The following CNTNAP2 variants were observed in gnomAD, a reference collection of about 807,000 sequenced individuals.
CNTNAP2 encodes contactin associated protein 2.
A neutral mutation model predicts 155.2 loss-of-function variants in CNTNAP2; 98 were observed. That is an observed-to-expected ratio of 0.63 (90% confidence interval 0.54 to 0.75). The LOEUF (loss-of-function observed/expected upper bound fraction) is 0.75, where lower values mean the gene tolerates loss of function less well. CNTNAP2 is among the 30% of genes least tolerant of loss of function. The pLI is 0.00. For missense variants in CNTNAP2, 1,727 were observed against 1,688.1 expected, an observed-to-expected ratio of 1.02 and a Z score of -0.40; for synonymous variants, 651 against 631.2, an observed-to-expected ratio of 1.03 and a Z score of -0.47.
chr7:146,941,646 C>A (rs1375843039), intron 3 of CNTNAP2, among the ~76,000 whole-genome samples: 2 of 152,134 alleles, frequency 1.3e-5, no homozygotes, highest in African/African-American at 2.4e-5. Flanking sequence ...ACTCATAGAA[C>A]CCTCTTTATC....
chr7:147,486,050 C>G lies in CNTNAP2; in HGVS notation c.1777+9C>G, dbSNP rs773304645. 1.9e-6 allele frequency: 3 copies of G among 1,604,366 alleles called. No individual in the cohort carries two copies. Among genetic ancestry groups the G allele is most frequent in the Admixed American group, 3.3e-5 (2 of 60,004 alleles). On this transcript the variant is annotated intron_variant, in intron 11 of 23. Transcript: ENST00000361727. ...GGCCACCTGCCACAACTGTGAGTGC[C>G]AATTTATCTCACTTTAATCTTGTAA... is the stretch of plus-strand genomic sequence containing the variant.
chr7:146,903,970 C>T (rs10278770), intron 3 of CNTNAP2, among the ~76,000 whole-genome samples: 11 of 151,956 alleles, frequency 7.2e-5, no homozygotes, highest in East Asian at 3.9e-4. Flanking sequence ...CATTGTACAC[C>T]GTAAATATAC....
At chr7:147,416,617 T>A (rs1435512582) in intron 10 of CNTNAP2, among the ~76,000 whole-genome samples, 1 of 152,182 alleles carries the variant, frequency 6.6e-6, no homozygotes, top group Non-Finnish European at 1.5e-5. Flanking sequence ...GATTTATCTT[T>A]TATCTCCAGA....
At chr7:146,731,676 A>C (rs1393580160) in intron 1 of CNTNAP2, among the ~76,000 whole-genome samples, 1 of 152,118 alleles carries the variant, frequency 6.6e-6, no homozygotes, top group Non-Finnish European at 1.5e-5. Context: ...AAGGTCTTTC[A>C]AGAAACTTAA....
intron 13 of CNTNAP2, among the ~76,000 whole-genome samples, chr7:147,706,369 C>T (rs1030824985): frequency 5.3e-5 from 8 of 151,908 alleles, no homozygotes; most frequent in African/African-American, 1.9e-4. Flanking sequence ...GTTTATTTCT[C>T]CTTCATTTAT....
intron 13 of CNTNAP2, among the ~76,000 whole-genome samples, chr7:147,705,912 T>A (rs1211510179): frequency 6.6e-6 from 1 of 152,256 alleles, no homozygotes; most frequent in East Asian, 1.9e-4. Flanking sequence ...ATCTCTTTTT[T>A]CACCTCTGCT....
At chr7:147,544,625 T>A (rs184077979) in intron 11 of CNTNAP2, among the ~76,000 whole-genome samples, 163 of 152,244 alleles carry the variant, frequency 1.1e-3, no homozygotes, top group Non-Finnish European at 1.9e-3. Flanking sequence ...CTTCTTTCTC[T>A]ATTAATATTA....
At chr7:148,297,197 G>GAAGGAAGGAAGGAAGGAAGC (rs1320518759) in intron 21 of CNTNAP2, among the ~76,000 whole-genome samples, 102 of 151,146 alleles carry the variant, frequency 6.7e-4, no homozygotes, top group African/African-American at 2.4e-3. Flanking sequence ...AGGAAGGAAG[G>GAAGGAAGGAAGGAAGGAAGC]AAGGAAGGAA....
intron 4 of CNTNAP2, among the ~76,000 whole-genome samples, chr7:147,047,565 A>G (rs1355109110): frequency 6.6e-6 from 1 of 152,060 alleles, no homozygotes; most frequent in African/African-American, 2.4e-5. Context: ...CTTCATTCTC[A>G]TTACAATTGC....
intron 1 of CNTNAP2, among the ~76,000 whole-genome samples, chr7:146,571,977 C>T (rs1370950414): frequency 1.3e-5 from 2 of 152,158 alleles, no homozygotes; most frequent in African/African-American, 2.4e-5. Flanking sequence ...CCTCGGCCTC[C>T]CGAAGTGCCG....
chr7:146,657,539 T>A (rs1375997147), intron 1 of CNTNAP2, among the ~76,000 whole-genome samples: 1 of 152,148 alleles, frequency 6.6e-6, no homozygotes, highest in Non-Finnish European at 1.5e-5. Flanking sequence ...TCGTTCTCTG[T>A]CTCTCTGTTT....
chr7:146,430,555 G>C (rs1431167119), intron 1 of CNTNAP2, among the ~76,000 whole-genome samples: 1 of 152,006 alleles, frequency 6.6e-6, no homozygotes, highest in East Asian at 1.9e-4. Context: ...CTGCTATTAA[G>C]TGGTGTTATA....
At chr7:147,731,133 T>C (rs6965796) in intron 13 of CNTNAP2, among the ~76,000 whole-genome samples, 101,518 of 152,096 alleles carry the variant, frequency 0.67, 35,803 homozygotes, top group East Asian at 0.93. Flanking sequence ...ATGTAGAAGC[T>C]GCAACAAGTT....
chr7:147,421,768 G>A (rs998127874), intron 10 of CNTNAP2, among the ~76,000 whole-genome samples: 1 of 152,068 alleles, frequency 6.6e-6, no homozygotes, highest in Non-Finnish European at 1.5e-5. Flanking sequence ...TCAATGGCTA[G>A]GGCCATTCCC....
chr7:146,828,517 A>G (rs1803451063), intron 2 of CNTNAP2, among the ~76,000 whole-genome samples: 1 of 152,012 alleles, frequency 6.6e-6, no homozygotes, highest in East Asian at 1.9e-4. Flanking sequence ...CTTTTATGGG[A>G]ATCCATTCTA....
intron 3 of CNTNAP2, among the ~76,000 whole-genome samples, chr7:147,031,093 T>A (rs1799024052): frequency 6.6e-6 from 1 of 152,156 alleles, no homozygotes; most frequent in Non-Finnish European, 1.5e-5. Flanking sequence ...TTAGGTTGTA[T>A]TTTAACATTG....
chr7:146,854,022 T>A (rs1292973639), intron 3 of CNTNAP2, among the ~76,000 whole-genome samples: 1 of 152,196 alleles, frequency 6.6e-6, no homozygotes, highest in Non-Finnish European at 1.5e-5. Context: ...CTAGGATTTC[T>A]ATAGGAGAGA....
intron 2 of CNTNAP2, among the ~76,000 whole-genome samples, chr7:146,833,678 G>A (rs1803558710): frequency 6.6e-6 from 1 of 152,096 alleles, no homozygotes; most frequent in African/African-American, 2.4e-5. Context: ...CAGGTTAGCC[G>A]AGGGCCAGTC....
At chr7:146,730,366 C>T (rs1801504469) in intron 1 of CNTNAP2, among the ~76,000 whole-genome samples, 2 of 151,948 alleles carry the variant, frequency 1.3e-5, no homozygotes, top group Non-Finnish European at 2.9e-5. Context: ...GATTTTAAAC[C>T]CCTAGGCCTT....
Sources: gnomAD v4.1 joint callset for allele counts (sites outside exome capture counted in the v4.1 genomes callset) on GRCh38, gnomAD v4.1.1 for gene constraint, MANE v1.5 for transcripts, NCBI Gene and HGNC (gene_info 2026-07-23, HGNC 2026-07-21) for gene names.